Variants in ASPH observed in about 807,000 individuals in gnomAD.
ASPH encodes aspartate beta-hydroxylase.
In ASPH, 100 loss-of-function variants were observed where a neutral mutation model predicts 118.4. The observed-to-expected ratio is 0.84, with a 90% CI of 0.72 to 1.00. The LOEUF (loss-of-function observed/expected upper bound fraction) is 1.00. Among genes scored for constraint, ASPH ranks in the 50% least tolerant of loss-of-function variants. The pLI, the probability that ASPH is intolerant of heterozygous loss-of-function variation, is 0.00. For missense variants in ASPH, 920 were observed against 919.5 expected (o/e 1.00, Z -0.01); for synonymous variants, 315 against 325.6 (o/e 0.97, Z 0.35).
At chr8:61,688,124 A>G (rs1831278256) in intron 1 of ASPH, among the ~76,000 whole-genome samples, 1 of 152,192 alleles carries the variant, frequency 6.6e-6, no homozygotes, top group Non-Finnish European at 1.5e-5. Context: ...CAACTCCCTA[A>G]GCAAATCTGA....
intron 3 of ASPH, among the ~76,000 whole-genome samples, chr8:61,670,386 G>A (rs1821835189): frequency 2.0e-5 from 3 of 151,690 alleles, no homozygotes; most frequent in African/African-American, 7.3e-5. Context: ...ATTTTATTAT[G>A]TTACTTACTA....
chr8:61,653,603 T>C lies in ASPH; in HGVS notation c.380A>G (p.His127Arg). The C allele has an allele frequency of 1.2e-6, 2 of 1,613,998 alleles. No homozygotes were observed. The highest frequency in any genetic ancestry group is 1.7e-6 in the Non-Finnish European group (2 of 1,179,982). ...PAVPPEEAEPHTEPEEQVPVE... is the reference protein window; with the variant it reads ...PAVPPEEAEPRTEPEEQVPVE... ...AGGAACCTGCTCCTCGGGCTCAGTG[T>C]GTGGCTCAGCCTCTTCTGGCGGGAC... The change falls in exon 4 of 25, where the codon CAC becomes CGC. Residue 127 changes from histidine to arginine, a missense_variant. By Grantham distance (29) the His-to-Arg change is conservative. Coordinates refer to ENST00000379454, the MANE Select transcript of ASPH (RefSeq NM_004318.4).
intron 18 of ASPH, among the ~76,000 whole-genome samples, chr8:61,557,817 C>T (rs1254545584): frequency 6.6e-6 from 1 of 152,234 alleles, no homozygotes; most frequent in East Asian, 1.9e-4. Context: ...TTCCACAGTA[C>T]TGTTCCCAAG....
intron 4 of ASPH, among the ~76,000 whole-genome samples, chr8:61,653,300 A>G (rs1336796675): frequency 6.6e-6 from 1 of 152,246 alleles, no homozygotes; most frequent in Non-Finnish European, 1.5e-5. Flanking sequence ...ATTGGAATCA[A>G]GAAACAACAT....
chr8:61,690,447 C>T (rs567998930), intron 1 of ASPH, among the ~76,000 whole-genome samples: 68 of 151,920 alleles, frequency 4.5e-4, no homozygotes, highest in Non-Finnish European at 7.8e-4. Flanking sequence ...GAATAATGAC[C>T]TGGGAAAGAT....
At chr8:61,549,250 G>C (rs1051410131) in intron 20 of ASPH, among the ~76,000 whole-genome samples, 1 of 152,176 alleles carries the variant, frequency 6.6e-6, no homozygotes, top group Admixed American at 6.5e-5. Context: ...ACTGAAGGGG[G>C]ATAGCAATAT....
intron 1 of ASPH, among the ~76,000 whole-genome samples, chr8:61,713,700 T>C (rs956293891): frequency 2.0e-5 from 3 of 152,234 alleles, no homozygotes; most frequent in African/African-American, 7.2e-5. Flanking sequence ...GACATTCTAT[T>C]TTAAAGGCAA....
intron 1 of ASPH, among the ~76,000 whole-genome samples, chr8:61,712,155 G>A (rs1208305752): frequency 6.6e-6 from 1 of 152,178 alleles, no homozygotes; most frequent in Non-Finnish European, 1.5e-5. Context: ...TATGATTTGA[G>A]CAGGAAACTA....
chr8:61,540,045 T>C (rs1821281500), intron 21 of ASPH, among the ~76,000 whole-genome samples: 1 of 152,162 alleles, frequency 6.6e-6, no homozygotes, highest in Non-Finnish European at 1.5e-5. Flanking sequence ...TAGTTGTGAT[T>C]TGGGCAACAA....
intron 3 of ASPH, among the ~76,000 whole-genome samples, chr8:61,674,984 G>C (rs1432588373): frequency 6.6e-6 from 1 of 152,216 alleles, no homozygotes; most frequent in East Asian, 1.9e-4. Flanking sequence ...CTTATCCCTA[G>C]AAGAGCTTTG....
intron 1 of ASPH, among the ~76,000 whole-genome samples, chr8:61,701,912 T>G (rs1194412484): frequency 2.0e-5 from 3 of 152,210 alleles, no homozygotes; most frequent in Non-Finnish European, 4.4e-5. Context: ...TCTTAGTAGC[T>G]GAAATAGTTA....
intron 24 of ASPH, among the ~76,000 whole-genome samples, chr8:61,509,769 G>A (rs1231662098): frequency 6.6e-6 from 1 of 152,046 alleles, no homozygotes; most frequent in Non-Finnish European, 1.5e-5. Flanking sequence ...TCCAGGGTAG[G>A]GGCACAGAGA....
chr8:61,576,703 TA>T lies in ASPH; in HGVS notation c.1149+68del, dbSNP rs956477908. 8.7e-6 allele frequency: 12 copies of T among 1,377,140 alleles called. No homozygotes were observed. In the African/African-American group the frequency reaches 1.6e-4, roughly 18 times the overall value. The allele number at this position is 1,377,140 out of a possible 1,614,324, so 85.3% of individuals were successfully genotyped here. On this transcript the variant is annotated intron_variant, in intron 16 of 24. Coordinates refer to ENST00000379454, the MANE Select transcript of ASPH (RefSeq NM_004318.4). ...ATTAGAAAGGGAAAATAGTGAGGAG[TA>T]AAAAATTCAATCACACAAAACACAT... is the stretch of plus-strand genomic sequence containing the variant.
At chr8:61,672,773 T>C (rs1414762236) in intron 3 of ASPH, among the ~76,000 whole-genome samples, 2 of 152,218 alleles carry the variant, frequency 1.3e-5, no homozygotes, top group African/African-American at 4.8e-5. Flanking sequence ...TTCTGAATAC[T>C]GGTTCCATCA....
intron 15 of ASPH, chr8:61,579,490 G>C: frequency 6.3e-7 from 1 of 1,596,170 alleles, no homozygotes; most frequent in Non-Finnish European, 8.5e-7. Flanking sequence ...GGTGGTCTGA[G>C]CTCGGCCTAT....
At chr8:61,561,906 AAC>A (rs1388179975) in intron 18 of ASPH, among the ~76,000 whole-genome samples, 1 of 152,228 alleles carries the variant, frequency 6.6e-6, no homozygotes, top group Non-Finnish European at 1.5e-5. Flanking sequence ...CAGTCTGGGC[AAC>A]AGAGTGAGAC....
chr8:61,700,743 G>T (rs1318378300), intron 1 of ASPH, among the ~76,000 whole-genome samples: 2 of 152,160 alleles, frequency 1.3e-5, no homozygotes, highest in African/African-American at 4.8e-5. Context: ...ATAACACTTA[G>T]ATTCCGCTAC....
chr8:61,616,274 C>T (rs1349600905), intron 14 of ASPH, among the ~76,000 whole-genome samples: 2 of 152,092 alleles, frequency 1.3e-5, no homozygotes, highest in Non-Finnish European at 2.9e-5. Context: ...CCGAGGATAC[C>T]CGACAGTGCA....
chr8:61,687,604 T>C (rs1831045992), intron 1 of ASPH: 1 of 151,962 alleles, frequency 6.6e-6, no homozygotes, highest in Non-Finnish European at 1.5e-5. Context: ...AAAAGCTGAG[T>C]GGTGGGAAGT....
Sources: allele counts gnomAD v4.1 joint callset (sites outside exome capture counted in the v4.1 genomes callset), GRCh38; gene constraint gnomAD v4.1.1; transcripts MANE v1.5; gene names NCBI Gene and HGNC (gene_info 2026-07-23, HGNC 2026-07-21).